Variants in EPC2 observed in about 807,000 individuals in gnomAD.
EPC2 encodes the protein enhancer of polycomb 2, also known as enhancer of polycomb homolog 2.
EPC2 carries 14 observed loss-of-function variants against 92.1 expected under a neutral mutation model. That is an observed-to-expected ratio of 0.15 (90% CI 0.10 to 0.24). The LOEUF (loss-of-function observed/expected upper bound fraction) is 0.24. EPC2 is among the 10% of genes least tolerant of loss of function. The pLI is 1.00. For synonymous variants in EPC2, 340 were observed against 334.7 expected, an observed-to-expected ratio of 1.02 and a Z score of -0.17; for missense variants, 755 against 971.5, an observed-to-expected ratio of 0.78 and a Z score of 2.96.
chr2:148,744,989 G>GGC (rs1682952853), intron 3 of EPC2, among the ~76,000 whole-genome samples: 5 of 46,356 alleles, frequency 1.1e-4, no homozygotes, highest in East Asian at 5.0e-4. Flanking sequence ...CTATCAGTTT[G>GGC]CCCCCCCCCC....
rs560411127 is a variant in EPC2, at chr2:148,694,465, A to G, written c.313+4092A>G. Among the ~76,000 whole-genome samples, 7 of 152,324 alleles carry G rather than the reference A, an allele frequency of 4.6e-5. No individual in the cohort carries two copies. The South Asian group carries it at 6.2e-4, about 14-fold the overall frequency. On this transcript the variant is annotated intron_variant, in intron 2 of 13. Coordinates refer to ENST00000258484, the MANE Select transcript of EPC2 (RefSeq NM_015630.4). ...GAAGGCACAAAGTCTTTGATGACCT[A>G]AGATAGTAAAACACTTCAGTTGTGT...
At chr2:148,698,804 C>T (rs1315244018) in intron 2 of EPC2, among the ~76,000 whole-genome samples, 1 of 136,056 alleles carries the variant, frequency 7.3e-6, no homozygotes, top group Non-Finnish European at 1.5e-5. Flanking sequence ...GATAATTAAC[C>T]CAGATAAAAG....
chr2:148,731,826 T>C (rs1051423501), intron 2 of EPC2, among the ~76,000 whole-genome samples: 2 of 152,256 alleles, frequency 1.3e-5, no homozygotes, highest in Admixed American at 1.3e-4. Flanking sequence ...TGTATAAGTC[T>C]AACAAAAATA....
chr2:148,678,520 G>A (rs1039381930), intron 1 of EPC2, among the ~76,000 whole-genome samples: 9 of 152,244 alleles, frequency 5.9e-5, no homozygotes, highest in Admixed American at 1.3e-4. Flanking sequence ...TAGGCATGGC[G>A]GGCTGCAGGT....
chr2:148,750,169 CTG>C (rs1683060572), intron 3 of EPC2, among the ~76,000 whole-genome samples: 1 of 151,902 alleles, frequency 6.6e-6, no homozygotes, highest in African/African-American at 2.4e-5. Flanking sequence ...TGGGTTGACA[CTG>C]TTGAGAATCA....
intron 3 of EPC2, among the ~76,000 whole-genome samples, chr2:148,751,948 A>G (rs1335318654): frequency 6.6e-6 from 1 of 152,174 alleles, no homozygotes; most frequent in Non-Finnish European, 1.5e-5. Flanking sequence ...GTTTAACTGT[A>G]AAGTGTGTGT....
At chr2:148,706,542 T>C (rs1371989662) in intron 2 of EPC2, among the ~76,000 whole-genome samples, 2 of 152,048 alleles carry the variant, frequency 1.3e-5, no homozygotes, top group Non-Finnish European at 2.9e-5. Context: ...AGACACATAA[T>C]TGTCAGATTC....
intron 10 of EPC2, among the ~76,000 whole-genome samples, chr2:148,772,346 A>G (rs1011174896): frequency 5.3e-5 from 8 of 152,164 alleles, no homozygotes; most frequent in Admixed American, 2.6e-4. Context: ...TTGTATCCCA[A>G]GACTAAAATA....
At chr2:148,649,112 C>T (rs1184393326) in intron 1 of EPC2, among the ~76,000 whole-genome samples, 2 of 152,134 alleles carry the variant, frequency 1.3e-5, no homozygotes, top group African/African-American at 4.8e-5. Flanking sequence ...CTAATACTTG[C>T]CATTTACTGA....
intron 1 of EPC2, among the ~76,000 whole-genome samples, chr2:148,673,540 ACTAAT>A (rs1681196960): frequency 6.6e-6 from 1 of 152,096 alleles, no homozygotes; most frequent in East Asian, 1.9e-4. Flanking sequence ...TCTTTTAAAA[ACTAAT>A]CTATGTCTTT....
intron 2 of EPC2, among the ~76,000 whole-genome samples, chr2:148,709,977 A>C (rs1361073413): frequency 6.6e-6 from 1 of 152,226 alleles, no homozygotes; most frequent in East Asian, 1.9e-4. Context: ...CAATGGCAAA[A>C]AAAGCCAAAA....
At chr2:148,678,100 T>C (rs925775996) in intron 1 of EPC2, among the ~76,000 whole-genome samples, 2 of 152,198 alleles carry the variant, frequency 1.3e-5, no homozygotes, top group Non-Finnish European at 2.9e-5. Flanking sequence ...GGGCGCTGAT[T>C]GGCGCATTTA....
intron 1 of EPC2, among the ~76,000 whole-genome samples, chr2:148,656,026 G>GTGTGTGTGTGTGTGTGTGTGT (rs1230427174): frequency 1.2e-5 from 1 of 84,114 alleles, no homozygotes; most frequent in Non-Finnish European, 2.5e-5. Flanking sequence ...TGTGTGTGTG[G>GTGTGTGTGTGTGTGTGTGTGT]GGGGGGGGGG....
chr2:148,764,998 T>C lies in EPC2; in HGVS notation c.992T>C (p.Val331Ala), dbSNP rs1191989881. ...TTGAAAGAAGAGGCTTCTGATGTGGTTCGTCAAAAGAAGAAGTACCCAAAG... is the reference window on the plus strand; with the variant it reads ...TTGAAAGAAGAGGCTTCTGATGTGGCTCGTCAAAAGAAGAAGTACCCAAAG... ...LSLKEEASDV[V>A]RQKKKYPKKP... is the part of the protein sequence containing the mutation. Residue 331 changes from valine (V) to alanine (A), a missense_variant, in exon 7 of 14, where the codon GTT (valine) becomes GCT (alanine). This residue lies in a region of EPC2 where 509 missense variants were observed against 607.7 expected (regional missense o/e 0.84). Coordinates refer to ENST00000258484, the MANE Select transcript of EPC2 (RefSeq NM_015630.4). 1 of 1,602,614 alleles carries C rather than the reference T, an allele frequency of 6.2e-7. No individual in the cohort carries two copies. Among genetic ancestry groups the C allele is most frequent in the East Asian group, 2.2e-5 (1 of 44,492 alleles).
chr2:148,741,652 T>C (rs2105405865), intron 2 of EPC2, among the ~76,000 whole-genome samples: 1 of 152,334 alleles, frequency 6.6e-6, no homozygotes, highest in African/African-American at 2.4e-5. Context: ...AGACAGCCTC[T>C]ATATAACCAA....
At chr2:148,725,242 T>C (rs1266310876) in intron 2 of EPC2, among the ~76,000 whole-genome samples, 1 of 152,072 alleles carries the variant, frequency 6.6e-6, no homozygotes, top group Non-Finnish European at 1.5e-5. Context: ...TTTGGCCTTA[T>C]TTCCAGTTTA....
At chr2:148,698,163 A>G (rs892345859) in intron 2 of EPC2, among the ~76,000 whole-genome samples, 6 of 152,206 alleles carry the variant, frequency 3.9e-5, no homozygotes, top group Admixed American at 1.3e-4. Context: ...TGCTTTTTAA[A>G]TGAGATGATT....
chr2:148,744,678 T>C (rs1164988161), intron 3 of EPC2, among the ~76,000 whole-genome samples: 1 of 152,130 alleles, frequency 6.6e-6, no homozygotes, highest in East Asian at 1.9e-4. Context: ...ATCCTATTTT[T>C]CTATGTTTTC....
At chr2:148,743,524 T>G in intron 2 of EPC2, 98 bp from the exon 3 acceptor site, 1 of 926,780 alleles carries the variant, frequency 1.1e-6, no homozygotes, top group Non-Finnish European at 1.6e-6. Flanking sequence ...CTTTAGTCAG[T>G]GCACTGTAAT....
Sources: allele counts gnomAD v4.1 joint callset (sites outside exome capture counted in the v4.1 genomes callset), GRCh38; gene constraint gnomAD v4.1.1; regional missense constraint gnomAD v4.1.1; transcripts MANE v1.5; gene names NCBI Gene and HGNC (gene_info 2026-07-23, HGNC 2026-07-21).